The following JAKMIP2 variants were observed in gnomAD, a reference collection of about 807,000 sequenced individuals.
JAKMIP2 encodes the protein janus kinase and microtubule interacting protein 2.
A neutral mutation model predicts 115.0 loss-of-function variants in JAKMIP2; 25 were observed. The ratio of observed to expected loss-of-function variants is 0.22; its 90% CI spans 0.16 to 0.30. The LOEUF is 0.30. Ranked by LOEUF, JAKMIP2 falls within the 10% of genes least tolerant of loss-of-function variation. JAKMIP2 has a pLI of 1.00. For synonymous variants in JAKMIP2, 334 were observed against 343.6 expected (o/e 0.97, Z 0.31); for missense variants, 642 against 957.6 (o/e 0.67, Z 4.35).
intron 5 of JAKMIP2, among the ~76,000 whole-genome samples, chr5:147,646,397 TA>T (rs1758130150): frequency 6.6e-6 from 1 of 152,184 alleles, no homozygotes; most frequent in Non-Finnish European, 1.5e-5. Context: ...TCTTATTTTT[TA>T]ATCTGTCTCT....
intron 20 of JAKMIP2, among the ~76,000 whole-genome samples, chr5:147,604,113 A>G (rs1442284944): frequency 6.6e-6 from 1 of 152,206 alleles, no homozygotes; most frequent in Non-Finnish European, 1.5e-5. Context: ...GGTCTTTGAC[A>G]AACAGGGAAG....
chr5:147,612,247 A>T, intron 20 of JAKMIP2, 59 bp downstream of exon 20: 2 of 1,156,374 alleles, frequency 1.7e-6, no homozygotes, highest in Non-Finnish European at 2.6e-6. Context: ...CAGTGAGCAA[A>T]ATCAATATTG....
In JAKMIP2 at chr5:147,644,895, G is replaced by A. The variant is rs1261638468; in HGVS notation, c.1038C>T (p.Arg346=). ...RNDELMVSLQ[R]MEEKLKAVTK... is the part of the protein sequence containing the mutation. ...TAACGGCTTTTAGTTTTTCTTCCAT[G>A]CGCTGCAAGGACACCATCAGTTCAT... The change falls in exon 6 of 22, where the codon CGC becomes CGT. Residue 346 remains arginine, a synonymous_variant. Transcript: ENST00000616793. The A allele has an allele frequency of 2.5e-6, 4 of 1,613,576 alleles. No homozygotes were observed. The highest frequency in any genetic ancestry group is 3.4e-6 in the Non-Finnish European group (4 of 1,179,826).
chr5:147,594,595 A>G (rs560953449), intron 21 of JAKMIP2: 2 of 305,904 alleles, frequency 6.5e-6, no homozygotes, highest in African/African-American at 2.2e-5. Flanking sequence ...CAGCCTCTCA[A>G]AATGCTGTGA....
intron 1 of JAKMIP2, among the ~76,000 whole-genome samples, chr5:147,706,290 C>T (rs1169676977): frequency 6.6e-6 from 1 of 152,124 alleles, no homozygotes; most frequent in Non-Finnish European, 1.5e-5. Flanking sequence ...TCCATCTTCC[C>T]CAAGACTGGA....
Position 147,644,912 on chromosome 5 carries a change from T to C in JAKMIP2, c.1021A>G (p.Met341Val). 6.2e-7 allele frequency: 1 copy of C among 1,613,702 alleles called. No individual in the cohort carries two copies. Residue 341 changes from methionine to valine, a missense_variant, in exon 6 of 22, where the codon ATG (methionine) becomes GTG (valine). This residue lies in a region of JAKMIP2 where 439 missense variants were observed against 570.9 expected (regional missense o/e 0.77). Coordinates refer to ENST00000616793, the MANE Select transcript of JAKMIP2 (RefSeq NM_001270941.2). ...TCTTCCATGCGCTGCAAGGACACCA[T>C]CAGTTCATCGTTTCTCTTGGCGAGG... ...KCLAKRNDEL[M>V]VSLQRMEEKL...
rs1031059754 is a variant in JAKMIP2, at chr5:147,701,446, G to T, written c.-148-29492C>A. ...GCTTTTATCCCCCTAAAATTCATAC[G>T]TTGAAATCTAACCCCTACAGTTACA... On this transcript the variant is annotated intron_variant, in intron 1 of 21. Coordinates refer to ENST00000616793, the MANE Select transcript of JAKMIP2 (RefSeq NM_001270941.2). 2.0e-5 allele frequency among the ~76,000 whole-genome samples: 3 copies of T among 152,238 alleles called. No individual in the cohort carries two copies. In the South Asian group the frequency reaches 6.2e-4, roughly 32 times the overall value.
intron 1 of JAKMIP2, among the ~76,000 whole-genome samples, chr5:147,695,739 A>C (rs1396063911): frequency 6.6e-6 from 1 of 151,938 alleles, no homozygotes; most frequent in Non-Finnish European, 1.5e-5. Context: ...CAAATTCAGA[A>C]ACTTTTCCCC....
chr5:147,592,485 T>G (rs1755146146), intron 21 of JAKMIP2, among the ~76,000 whole-genome samples: 1 of 152,204 alleles, frequency 6.6e-6, no homozygotes, highest in African/African-American at 2.4e-5. Flanking sequence ...TAAGTCCATA[T>G]GTCTGAGTTT....
At chr5:147,659,669 C>A (rs1758862264) in intron 3 of JAKMIP2, among the ~76,000 whole-genome samples, 1 of 152,168 alleles carries the variant, frequency 6.6e-6, no homozygotes, top group Admixed American at 6.5e-5. Context: ...TATTTACCTG[C>A]CAGCTCCAGA....
intron 2 of JAKMIP2, among the ~76,000 whole-genome samples, chr5:147,664,443 G>A (rs1294951826): frequency 6.6e-6 from 1 of 152,038 alleles, no homozygotes; most frequent in African/African-American, 2.4e-5. Context: ...TGCTCTAGGT[G>A]GGGGGGATTA....
chr5:147,671,889 C>G lies in JAKMIP2; in HGVS notation c.-83G>C. Reference sequence around the variant, plus strand: ...TGTTACTGTTTCTTATCCTGGAGTACGATGTCTCAGCATCTACTGTGTGGT... The same window carrying G: ...TGTTACTGTTTCTTATCCTGGAGTAGGATGTCTCAGCATCTACTGTGTGGT... On this transcript the variant is annotated 5_prime_UTR_variant, in exon 2 of 22. Transcript: ENST00000616793. The G allele has an allele frequency of 7.1e-7, 1 of 1,416,962 alleles. No homozygotes were observed. The highest frequency in any genetic ancestry group is 1.7e-5 in the South Asian group (1 of 59,028). 87.8% of individuals were successfully genotyped at this position (1,416,962 alleles called of 1,614,324 possible). A position where few individuals can be genotyped will look rare whatever the true frequency, so the allele number is the denominator to read the frequency against.
chr5:147,619,705 T>C (rs971287281), intron 18 of JAKMIP2, among the ~76,000 whole-genome samples: 2 of 152,180 alleles, frequency 1.3e-5, no homozygotes, highest in Non-Finnish European at 2.9e-5. Context: ...ATGTGCTCCT[T>C]AATCAGCATA....
At position 147,605,248 on chromosome 5, in the gene JAKMIP2, C is replaced by T. The variant is rs1323021891; in HGVS notation, c.2413-3437G>A. On this transcript the variant is annotated intron_variant, in intron 20 of 21. Transcript: ENST00000616793. ...TTTTTGAGACGGAGTCTTGCTCTGT[C>T]GCCCAGGCTGGAGTGCAGTGGCATG... 4.1e-4 allele frequency among the ~76,000 whole-genome samples: 56 copies of T among 136,824 alleles called. 1 individual carries two copies. Among genetic ancestry groups the T allele is most frequent in the African/African-American group, 1.5e-3 (52 of 35,786 alleles). 89.8% of individuals were successfully genotyped at this position (136,824 alleles called of 152,430 possible). A position where few individuals can be genotyped will look rare whatever the true frequency, so the allele number is the denominator to read the frequency against.
chr5:147,672,388 G>T (rs1759655526), intron 1 of JAKMIP2, among the ~76,000 whole-genome samples: 1 of 152,210 alleles, frequency 6.6e-6, no homozygotes, highest in African/African-American at 2.4e-5. Flanking sequence ...ACATGTAATA[G>T]CTAAACTGTG....
chr5:147,625,245 T>C (rs2126667334), intron 16 of JAKMIP2, among the ~76,000 whole-genome samples: 1 of 152,222 alleles, frequency 6.6e-6, no homozygotes, highest in South Asian at 2.1e-4. Flanking sequence ...CCTCCCAAAG[T>C]GCTAGGATTA....
chr5:147,751,105 C>T (rs1754535096), intron 1 of JAKMIP2, among the ~76,000 whole-genome samples: 1 of 151,542 alleles, frequency 6.6e-6, no homozygotes, highest in Non-Finnish European at 1.5e-5. Flanking sequence ...GGAGTCTCAC[C>T]CTGTCGCCCA....
chr5:147,728,947 C>G (rs867454216), intron 1 of JAKMIP2, among the ~76,000 whole-genome samples: 108 of 152,250 alleles, frequency 7.1e-4, no homozygotes, highest in African/African-American at 2.4e-3. Flanking sequence ...TGTCTGGTGT[C>G]CTAGGTGCCA....
At chr5:147,702,745 G>T (rs1426685228) in intron 1 of JAKMIP2, among the ~76,000 whole-genome samples, 4 of 151,882 alleles carry the variant, frequency 2.6e-5, no homozygotes, top group Non-Finnish European at 5.9e-5. Context: ...AGACTGACAG[G>T]CAGCAAGACA....
Sources: allele counts gnomAD v4.1 joint callset (sites outside exome capture counted in the v4.1 genomes callset), GRCh38; gene constraint gnomAD v4.1.1; regional missense constraint gnomAD v4.1.1; transcripts MANE v1.5; gene names NCBI Gene and HGNC (gene_info 2026-07-23, HGNC 2026-07-21).